Variants in LMBR1 observed in about 807,000 individuals in gnomAD.
LMBR1 encodes limb development membrane protein 1.
A neutral mutation model predicts 73.9 loss-of-function variants in LMBR1; 52 were observed. That is an observed-to-expected ratio of 0.70 (90% CI 0.56 to 0.89). The LOEUF (loss-of-function observed/expected upper bound fraction) is 0.89, where lower values mean the gene tolerates loss of function less well. LMBR1 is among the 40% of genes least tolerant of loss of function. The pLI is 0.00. For synonymous variants in LMBR1, 215 were observed against 209.4 expected, an observed-to-expected ratio of 1.03 and a Z score of -0.23; for missense variants, 539 against 579.8, an observed-to-expected ratio of 0.93 and a Z score of 0.72.
Position 156,669,747 on chromosome 7 carries a change from T to C in LMBR1, n.867-460A>G, listed in dbSNP as rs1299117462. ...TGGGACTCCCAGGGAGAAGGGGCCATGGCTGGGCCCCTCCAGCACAGGCGC... is the reference window on the plus strand; with the variant it reads ...TGGGACTCCCAGGGAGAAGGGGCCACGGCTGGGCCCCTCCAGCACAGGCGC... On this transcript the variant is annotated intron_variant and non_coding_transcript_variant, in intron 4 of 4. Transcript: ENST00000430825. This position sits in a 1 kb window ranked among gnomAD's most constrained non-coding sequence, Gnocchi z 4.2. Among the ~76,000 whole-genome samples the C allele has an allele frequency of 6.6e-6, 1 of 152,160 alleles. No individual in the cohort carries two copies. Among genetic ancestry groups the C allele is most frequent in the African/African-American group, 2.4e-5 (1 of 41,454 alleles).
At chr7:156,830,395 AAAGTTT>A (rs1462301202) in intron 3 of LMBR1, among the ~76,000 whole-genome samples, 2 of 152,234 alleles carry the variant, frequency 1.3e-5, no homozygotes, top group African/African-American at 4.8e-5. Flanking sequence ...TTTACATCTT[AAAGTTT>A]AACAGGTTGA....
intron 1 of LMBR1, among the ~76,000 whole-genome samples, chr7:156,838,546 A>G (rs1838071693): frequency 6.6e-6 from 1 of 152,146 alleles, no homozygotes; most frequent in Admixed American, 6.5e-5. Context: ...AAAGGACAAG[A>G]TTCTTTCTTT....
intron 3 of LMBR1, among the ~76,000 whole-genome samples, chr7:156,829,679 C>T (rs1304321102): frequency 6.6e-6 from 1 of 152,190 alleles, no homozygotes; most frequent in African/African-American, 2.4e-5. Flanking sequence ...CTACCATGGC[C>T]CTGCTGCTCC....
chr7:156,709,871 G>T (rs1310481147), intron 15 of LMBR1, among the ~76,000 whole-genome samples: 1 of 146,998 alleles, frequency 6.8e-6, no homozygotes, highest in Non-Finnish European at 1.5e-5. Flanking sequence ...TCTCTGAATT[G>T]CCAGTTAAAG....
intron 15 of LMBR1, among the ~76,000 whole-genome samples, chr7:156,720,743 T>C (rs981472625): frequency 1.3e-5 from 2 of 151,776 alleles, no homozygotes; most frequent in South Asian, 2.1e-4. Flanking sequence ...AATAAAATCA[T>C]ATATACTTTT....
Position 156,681,232 on chromosome 7 carries a change from C to A in LMBR1, c.*2846G>T, listed in dbSNP as rs994353158. On this transcript the variant is annotated 3_prime_UTR_variant, in exon 17 of 17. Transcript: ENST00000353442. ...GAGGCTGCAGGGAGGGCCATGGGCA[C>A]CCAGCAGATGGGGAGGCCGCACTGC... is the stretch of plus-strand genomic sequence containing the variant. 1 of 442,330 alleles carries A rather than the reference C, an allele frequency of 2.3e-6. No homozygotes were observed. Among genetic ancestry groups the A allele is most frequent in the African/African-American group, 2.1e-5 (1 of 48,696 alleles). 27.4% of individuals were successfully genotyped at this position (442,330 alleles called of 1,614,324 possible).
At chr7:156,892,832 G>C in intron 1 of LMBR1, 96 bp downstream of exon 1, 1 of 791,712 alleles carries the variant, frequency 1.3e-6, no homozygotes, top group Non-Finnish European at 1.7e-6. Context: ...GGCGAGGCCC[G>C]GAGGTGAGGG....
Position 156,704,006 on chromosome 7 carries a change from TAGA to T in LMBR1, c.1226-15818_1226-15816del, listed in dbSNP as rs552123513. On this transcript the variant is annotated intron_variant, in intron 15 of 16. Transcript: ENST00000353442. ...ACACAAGGGCAAAGTGCTTGGAAAC[TAGA>T]AGATCATTGCACAACCACTGCTACC... 1.5e-3 allele frequency among the ~76,000 whole-genome samples: 221 copies of T among 152,250 alleles called. 2 individuals are homozygous for T. Among genetic ancestry groups the T allele is most frequent in the Middle Eastern group, 6.8e-3 (2 of 294 alleles).
intron 1 of LMBR1, among the ~76,000 whole-genome samples, chr7:156,884,320 C>T (rs1801549823): frequency 6.6e-6 from 1 of 152,042 alleles, no homozygotes; most frequent in Non-Finnish European, 1.5e-5. Flanking sequence ...TTTCAGAGAA[C>T]ATCAATATCA....
At chr7:156,840,336 C>CCCACACAAGGATG (rs1563502359) in intron 1 of LMBR1, among the ~76,000 whole-genome samples, 1 of 151,994 alleles carries the variant, frequency 6.6e-6, no homozygotes, top group African/African-American at 2.4e-5. Flanking sequence ...GCATGTCTCA[C>CCCACACAAGGATG]TAATAAGGTG....
chr7:156,882,484 G>A (rs561446298), intron 1 of LMBR1, among the ~76,000 whole-genome samples: 1 of 152,224 alleles, frequency 6.6e-6, no homozygotes, highest in Non-Finnish European at 1.5e-5. Context: ...GAATCTTGAG[G>A]ACACTAACCT....
At position 156,727,991 on chromosome 7, in the gene LMBR1, A is replaced by G; in HGVS notation, c.932T>C (p.Leu311Ser). 1 of 1,613,184 alleles carries G rather than the reference A, an allele frequency of 6.2e-7. No homozygotes were observed. The highest frequency in any genetic ancestry group is 8.5e-7 in the Non-Finnish European group (1 of 1,179,560). ...TAGGCAAAGAATATTACAAGCCACC[A>G]AGAGGACCGAGATGGACTACAAGAC... is the stretch of plus-strand genomic sequence containing the variant. The part of the protein sequence containing the change: ...LLIETSISVL[L>S]VACNILCLLV... Residue 311 changes from leucine to serine, a missense_variant, in exon 12 of 17, where the codon TTG (leucine) becomes TCG (serine). By Grantham distance (145) the Leu-to-Ser change is moderately radical. Around this residue, in one of 3 missense-constraint regions of LMBR1, gnomAD observed 454 missense variants for 473.4 expected, o/e 0.96. Coordinates refer to ENST00000353442, the MANE Select transcript of LMBR1 (RefSeq NM_022458.4).
At chr7:156,756,877 G>A (rs1821984394) in intron 8 of LMBR1, among the ~76,000 whole-genome samples, 1 of 152,118 alleles carries the variant, frequency 6.6e-6, no homozygotes, top group East Asian at 1.9e-4. Flanking sequence ...GCAGTGGTAC[G>A]ATAATCTCAG....
intron 4 of LMBR1, among the ~76,000 whole-genome samples, chr7:156,671,029 T>G (rs1199212454): frequency 2.0e-5 from 3 of 152,220 alleles, no homozygotes; most frequent in Non-Finnish European, 4.4e-5. Flanking sequence ...CTCAGATCCT[T>G]GTATTGGTTC....
chr7:156,763,180 T>C lies in LMBR1; in HGVS notation c.551-4A>G. The stretch of plus-strand genomic sequence containing the variant: ...GGTAGATAGAACTCCCAGAGATCTA[T>C]TAAAAAAAAGTAAATATATTTTAAT... On this transcript the variant is annotated splice_polypyrimidine_tract_variant and splice_region_variant and intron_variant, in intron 6 of 16. Transcript: ENST00000353442. 2 of 1,266,282 alleles carry C rather than the reference T, an allele frequency of 1.6e-6. No individual in the cohort carries two copies. Among genetic ancestry groups the C allele is most frequent in the South Asian group, 1.4e-5 (1 of 73,136 alleles). The allele number at this position is 1,266,282 out of a possible 1,614,324, so 78.4% of individuals were successfully genotyped here. A position where few individuals can be genotyped will look rare whatever the true frequency, so the allele number is the denominator to read the frequency against.
chr7:156,742,999 A>G (rs533384635), intron 9 of LMBR1, among the ~76,000 whole-genome samples: 1 of 152,228 alleles, frequency 6.6e-6, no homozygotes, highest in Non-Finnish European at 1.5e-5. Flanking sequence ...CAAAAACCAT[A>G]TGATCATTTC....
chr7:156,801,081 A>G (rs964036506), intron 4 of LMBR1, among the ~76,000 whole-genome samples: 2 of 152,256 alleles, frequency 1.3e-5, no homozygotes, highest in Non-Finnish European at 1.5e-5. Flanking sequence ...CTTAGTTGAT[A>G]AAACAGAGGC....
At chr7:156,867,180 A>C (rs1348150832) in intron 1 of LMBR1, among the ~76,000 whole-genome samples, 2 of 152,276 alleles carry the variant, frequency 1.3e-5, no homozygotes, top group Middle Eastern at 3.2e-3. Context: ...CAACATCATT[A>C]GTCATCAGTA....
At chr7:156,817,674 C>CCATTGTA (rs1834138896) in intron 4 of LMBR1, among the ~76,000 whole-genome samples, 2 of 151,992 alleles carry the variant, frequency 1.3e-5, no homozygotes, top group African/African-American at 4.8e-5. Context: ...AATAATATGT[C>CCATTGTA]CATTGTATAA....
Sources: gnomAD v4.1 joint callset for allele counts (sites outside exome capture counted in the v4.1 genomes callset) on GRCh38, gnomAD v4.1.1 for gene constraint, gnomAD v4.1.1 regional missense constraint, Gnocchi (gnomAD v3.1) non-coding constraint, MANE v1.5 for transcripts, NCBI Gene and HGNC (gene_info 2026-07-23, HGNC 2026-07-21) for gene names.